Variants in BAZ1A observed in about 807,000 individuals in gnomAD.
BAZ1A encodes the protein bromodomain adjacent to zinc finger domain protein 1A.
BAZ1A carries 50 observed loss-of-function variants against 185.2 expected under a neutral mutation model. The ratio of observed to expected loss-of-function variants is 0.27; its 90% CI spans 0.22 to 0.34. BAZ1A has a LOEUF of 0.34. Among genes scored for constraint, BAZ1A ranks in the 10% least tolerant of loss-of-function variants. The pLI is 1.00. For missense variants in BAZ1A, 1,356 were observed against 1,839.9 expected (o/e 0.74, Z 4.81); for synonymous variants, 571 against 615.6 (o/e 0.93, Z 1.07).
intron 3 of BAZ1A, among the ~76,000 whole-genome samples, chr14:34,835,989 G>A (rs1027051804): frequency 2.6e-5 from 4 of 151,706 alleles, no homozygotes; most frequent in Admixed American, 2.0e-4. Flanking sequence ...TTTTTATGAG[G>A]ATAGTCTGGA....
chr14:34,821,061 C>T (rs2042081726), intron 4 of BAZ1A, among the ~76,000 whole-genome samples: 1 of 152,174 alleles, frequency 6.6e-6, no homozygotes, highest in Non-Finnish European at 1.5e-5. Flanking sequence ...TCCATATAAA[C>T]TTTATAATCA....
intron 4 of BAZ1A, among the ~76,000 whole-genome samples, chr14:34,811,902 A>G (rs892588685): frequency 6.6e-6 from 1 of 152,118 alleles, no homozygotes; most frequent in African/African-American, 2.4e-5. Context: ...ATGTAGTTTA[A>G]TTGACCAAGA....
At chr14:34,774,938 G>C (rs372743239) in intron 18 of BAZ1A, among the ~76,000 whole-genome samples, 1 of 152,238 alleles carries the variant, frequency 6.6e-6, no homozygotes, top group Non-Finnish European at 1.5e-5. Context: ...ACATTGGCGG[G>C]GGGTAGTGGC....
chr14:34,850,312 A>G (rs2138786619), intron 3 of BAZ1A, among the ~76,000 whole-genome samples: 1 of 152,058 alleles, frequency 6.6e-6, no homozygotes, highest in East Asian at 1.9e-4. Flanking sequence ...CGGGAAATGG[A>G]AATTGCAGCG....
chr14:34,777,297 A>G (rs943395456), intron 17 of BAZ1A, among the ~76,000 whole-genome samples: 1 of 152,258 alleles, frequency 6.6e-6, no homozygotes, highest in Non-Finnish European at 1.5e-5. Context: ...TCTGAATTTC[A>G]TATAATTTTC....
chr14:34,871,044 T>C (rs562954098), intron 2 of BAZ1A, among the ~76,000 whole-genome samples: 1 of 152,310 alleles, frequency 6.6e-6, no homozygotes, highest in African/African-American at 2.4e-5. Flanking sequence ...GGAAATATAT[T>C]CCAAGTGTCT....
chr14:34,765,265 G>C lies in BAZ1A; in HGVS notation c.3305C>G (p.Ala1102Gly). 6.2e-7 allele frequency: 1 copy of C among 1,611,372 alleles called. No homozygotes were observed. The change falls in exon 22 of 27, where the codon GCC (alanine) becomes GGC (glycine). Residue 1102 changes from alanine (A) to glycine (G), a missense_variant. Physicochemically the swap from Ala to Gly is moderately conservative, Grantham distance 60 (BLOSUM62 0). This residue lies in a region of BAZ1A where 434 missense variants were observed against 561.7 expected (regional missense o/e 0.77). Coordinates refer to ENST00000360310, the MANE Select transcript of BAZ1A (RefSeq NM_013448.3). ...TTTATAAGAACGCCCACTGTCACTG[G>C]CATCTTAAATGAAAAGGGAAAGTGA... ...ERRFLKAPLD[A>G]SDSGRSYKTV...
intron 3 of BAZ1A, among the ~76,000 whole-genome samples, chr14:34,832,242 A>G (rs1251490768): frequency 1.4e-5 from 2 of 146,212 alleles, no homozygotes; most frequent in Admixed American, 7.0e-5. Flanking sequence ...GTATGTATGT[A>G]TATTTCCTAA....
chr14:34,805,749 C>T lies in BAZ1A; in HGVS notation c.726+1702G>A, dbSNP rs536053181. ...TTTTCAAGTTTTTATATTTCATCCACGGTGAATTTTAGTCATATCTATTTG... is the reference window on the plus strand; with the variant it reads ...TTTTCAAGTTTTTATATTTCATCCATGGTGAATTTTAGTCATATCTATTTG... On this transcript the variant is annotated intron_variant, in intron 6 of 26. Coordinates refer to ENST00000360310, the MANE Select transcript of BAZ1A (RefSeq NM_013448.3). 2.6e-5 allele frequency among the ~76,000 whole-genome samples: 4 copies of T among 152,268 alleles called. 1 individual carries two copies. The highest frequency in any genetic ancestry group is 6.5e-5 in the Admixed American group (1 of 15,288).
chr14:34,821,202 T>C (rs1395860549), intron 4 of BAZ1A, among the ~76,000 whole-genome samples: 2 of 152,182 alleles, frequency 1.3e-5, no homozygotes, highest in East Asian at 3.8e-4. Context: ...GCATATATCT[T>C]GTAGACATAA....
At position 34,851,983 on chromosome 14, in the gene BAZ1A, C is replaced by A. The variant is rs571226018; in HGVS notation, c.392+10061G>T. Reference sequence around the variant, plus strand: ...TCTACTAAAAATACAAAAAATTAGCCGGGCGTGGTGGCGGGTGCCTGTAGT... The same window carrying A: ...TCTACTAAAAATACAAAAAATTAGCAGGGCGTGGTGGCGGGTGCCTGTAGT... On this transcript the variant is annotated intron_variant, in intron 3 of 26. Transcript: ENST00000360310. 4.6e-5 allele frequency among the ~76,000 whole-genome samples: 7 copies of A among 151,936 alleles called. No individual in the cohort carries two copies. In the East Asian group the frequency reaches 1.4e-3, roughly 30 times the overall value.
chr14:34,798,024 G>A (rs181226400), intron 9 of BAZ1A, among the ~76,000 whole-genome samples: 25 of 152,356 alleles, frequency 1.6e-4, no homozygotes, highest in African/African-American at 2.9e-4. Flanking sequence ...ATTATATCCC[G>A]TGCCTGGCTC....
chr14:34,863,153 T>C (rs28636423), intron 2 of BAZ1A, among the ~76,000 whole-genome samples: 2 of 15,566 alleles, frequency 1.3e-4, no homozygotes, highest in Non-Finnish European at 5.1e-4. Flanking sequence ...CACGCTCGGC[T>C]TTTTTTTTTT....
intron 9 of BAZ1A, among the ~76,000 whole-genome samples, chr14:34,797,625 A>C (rs996146995): frequency 6.6e-6 from 1 of 152,114 alleles, no homozygotes; most frequent in Non-Finnish European, 1.5e-5. Flanking sequence ...TCTGTCCTCT[A>C]TGTTTTCTGG....
chr14:34,820,632 T>C (rs1253764710), intron 4 of BAZ1A, among the ~76,000 whole-genome samples: 35 of 152,256 alleles, frequency 2.3e-4, no homozygotes, highest in Admixed American at 2.2e-3. Context: ...TTTTGTGTTA[T>C]ATCTAAAAAA....
chr14:34,812,440 G>A (rs1251390271), intron 4 of BAZ1A, among the ~76,000 whole-genome samples: 1 of 152,130 alleles, frequency 6.6e-6, no homozygotes, highest in African/African-American at 2.4e-5. Flanking sequence ...AGTCACTAGA[G>A]GATTTTTAAT....
chr14:34,843,144 C>T (rs181006712), intron 3 of BAZ1A, among the ~76,000 whole-genome samples: 8 of 151,144 alleles, frequency 5.3e-5, no homozygotes, highest in Non-Finnish European at 8.8e-5. Context: ...GATGAGTCAT[C>T]ACAGCTGGCA....
rs554442200 is a variant in BAZ1A at position 34,870,997 on chromosome 14, T to C, written c.113+3495A>G. 4.9e-4 allele frequency among the ~76,000 whole-genome samples: 75 copies of C among 152,338 alleles called. 1 individual carries two copies. In the South Asian group the frequency reaches 0.015, roughly 29 times the overall value. On this transcript the variant is annotated intron_variant, in intron 2 of 26. Transcript: ENST00000360310. ...TTAGTGATGTTGTGGAAGAGAGTTA[T>C]ACATTTTATATTGAAGGCTGAACTC...
intron 14 of BAZ1A, among the ~76,000 whole-genome samples, chr14:34,784,214 C>T (rs1254793960): frequency 6.6e-6 from 1 of 151,306 alleles, no homozygotes. Flanking sequence ...ACTAAAAATA[C>T]AAAAATAGCT....
Sources: gnomAD v4.1 joint callset for allele counts (sites outside exome capture counted in the v4.1 genomes callset) on GRCh38, gnomAD v4.1.1 for gene constraint, gnomAD v4.1.1 regional missense constraint, MANE v1.5 for transcripts, NCBI Gene and HGNC (gene_info 2026-07-23, HGNC 2026-07-21) for gene names.